Variants in TMEM207 observed in about 807,000 individuals in gnomAD.
TMEM207 encodes transmembrane protein 207.
A neutral mutation model predicts 17.4 loss-of-function variants in TMEM207; 15 were observed. The observed-to-expected ratio is 0.86, with a 90% CI of 0.58 to 1.33. TMEM207 has a LOEUF of 1.33. Among genes scored for constraint, TMEM207 ranks in the 40% most tolerant of loss-of-function variants. TMEM207 has a pLI of 0.00. For missense variants in TMEM207, 205 were observed against 173.8 expected (o/e 1.18, Z -1.01); for synonymous variants, 70 against 65.6 (o/e 1.07, Z -0.33).
At chr3:190,447,912 G>T in intron 1 of TMEM207, 85 bp from the exon 2 acceptor site, 1 of 1,281,870 alleles carries the variant, frequency 7.8e-7, no homozygotes, top group Non-Finnish European at 1.1e-6. Context: ...GACAATGTGG[G>T]TTTATATCAT....
At chr3:190,442,820 T>C (rs1387806351) in intron 2 of TMEM207, among the ~76,000 whole-genome samples, 1 of 152,222 alleles carries the variant, frequency 6.6e-6, no homozygotes, top group Non-Finnish European at 1.5e-5. Context: ...AACATGTTTA[T>C]AAATAAGTCT....
At chr3:190,436,696 C>G (rs113617474) in intron 4 of TMEM207, among the ~76,000 whole-genome samples, 2,774 of 152,222 alleles carry the variant, frequency 0.018, 41 homozygotes, top group Middle Eastern at 0.031. Flanking sequence ...TCATGAAGAT[C>G]CAGTGAGGAA....
rs559790336 is a variant in TMEM207, at chr3:190,443,879, A to C, written c.114-2397T>G. On this transcript the variant is annotated intron_variant, in intron 2 of 4. Transcript: ENST00000354905. ...CATCGGGGGGAAGTGAGAGCTGACTATAATGCGTAAGAAAGACATTTGGAA... is the reference window on the plus strand; with the variant it reads ...CATCGGGGGGAAGTGAGAGCTGACTCTAATGCGTAAGAAAGACATTTGGAA... 2.0e-4 allele frequency among the ~76,000 whole-genome samples: 31 copies of C among 152,324 alleles called. No individual in the cohort carries two copies. The South Asian group carries it at 6.2e-3, about 31-fold the overall frequency.
rs140427699 is a variant in TMEM207, at chr3:190,435,495, A to T, written c.304+4749T>A. Among the ~76,000 whole-genome samples the T allele has an allele frequency of 1.1e-4, 17 of 152,260 alleles. No individual in the cohort carries two copies. In the East Asian group the frequency reaches 3.3e-3, roughly 29 times the overall value. ...ATTTGAACACATGAAATTGGGTGGG[A>T]CACAGTTCAACCCACAACAGGGGGC... is the stretch of plus-strand genomic sequence containing the variant. On this transcript the variant is annotated intron_variant, in intron 4 of 4. Coordinates refer to ENST00000354905, the MANE Select transcript of TMEM207 (RefSeq NM_207316.3).
intron 2 of TMEM207, among the ~76,000 whole-genome samples, chr3:190,445,009 C>G (rs1720013954): frequency 6.6e-6 from 1 of 152,104 alleles, no homozygotes; most frequent in East Asian, 1.9e-4. Context: ...CTATGCATAT[C>G]TCAGGTATTT....
chr3:190,440,229 G>T lies in TMEM207; in HGVS notation c.304+15C>A, dbSNP rs374013258. 1.2e-6 allele frequency: 2 copies of T among 1,609,124 alleles called. No homozygotes were observed. Among genetic ancestry groups the T allele is most frequent in the East Asian group, 2.2e-5 (1 of 44,828 alleles). On this transcript the variant is annotated intron_variant, in intron 4 of 4. Transcript: ENST00000354905. ...AAGTATCAAAAAAGAGTCCAGAAGC[G>T]TGCAGACAACTCACCATAAATAGAG... is the stretch of plus-strand genomic sequence containing the variant.
chr3:190,443,665 CATT>C (rs1719984511), intron 2 of TMEM207, among the ~76,000 whole-genome samples: 2 of 152,154 alleles, frequency 1.3e-5, no homozygotes, highest in Non-Finnish European at 2.9e-5. Flanking sequence ...CTCCTCGAAT[CATT>C]ATTTCCATTT....
At chr3:190,438,153 G>A (rs539458133) in intron 4 of TMEM207, among the ~76,000 whole-genome samples, 19 of 151,294 alleles carry the variant, frequency 1.3e-4, no homozygotes, top group African/African-American at 4.1e-4. Flanking sequence ...GCAAAATGGC[G>A]AGTTAATGGG....
At position 190,428,725 on chromosome 3, in the gene TMEM207, G is replaced by T. The variant is rs994076834; in HGVS notation, c.*870C>A. On this transcript the variant is annotated 3_prime_UTR_variant, in exon 5 of 5. Transcript: ENST00000354905. ...CAGCTGAAGATCATATGTCATCTGTGATGGATGTTTTTGTCTGTCCCCCTG... is the reference window on the plus strand; with the variant it reads ...CAGCTGAAGATCATATGTCATCTGTTATGGATGTTTTTGTCTGTCCCCCTG... 10 of 152,286 alleles carry T rather than the reference G, an allele frequency of 6.6e-5. No homozygotes were observed. The highest frequency in any genetic ancestry group is 2.4e-4 in the African/African-American group (10 of 41,560). 9.4% of individuals were successfully genotyped at this position (152,286 alleles called of 1,614,324 possible).
chr3:190,438,288 G>A (rs1314647050), intron 4 of TMEM207, among the ~76,000 whole-genome samples: 2 of 148,770 alleles, frequency 1.3e-5, no homozygotes, highest in Admixed American at 6.7e-5. Context: ...AAGGTTGTTT[G>A]GTTTTTTTTT....
At chr3:190,441,372 A>C in intron 3 of TMEM207, 66 bp downstream of exon 3, 1 of 1,307,126 alleles carries the variant, frequency 7.7e-7, no homozygotes, top group Non-Finnish European at 1.1e-6. Flanking sequence ...ACCATCTCAA[A>C]TTATTTAGGA....
intron 4 of TMEM207, among the ~76,000 whole-genome samples, chr3:190,434,195 A>G (rs539264060): frequency 1.6e-3 from 242 of 152,174 alleles, no homozygotes; most frequent in African/African-American, 5.6e-3. Context: ...TTCTGAAGGC[A>G]TTATTAAATT....
intron 2 of TMEM207, 91 bp downstream of exon 2, chr3:190,447,699 A>G (rs777036333): frequency 6.3e-5 from 83 of 1,308,410 alleles, no homozygotes; most frequent in Non-Finnish European, 8.5e-5. Context: ...TTGAAACTCA[A>G]CTGGGCTTTT....
rs190267819 is a variant in TMEM207 at position 190,440,255 on chromosome 3, T to A, written c.293A>T (p.Asp98Val). The A allele has an allele frequency of 1.9e-6, 3 of 1,610,216 alleles. No individual in the cohort carries two copies. The highest frequency in any genetic ancestry group is 2.2e-5 in the East Asian group (1 of 44,672). ...TMAVFAVGDL[D>V]SIYGTEAAVS... ...TGCAGACAACTCACCATAAATAGAGTCCAAGTCTCCAACAGCAAAAACTGC... is the reference window on the plus strand; with the variant it reads ...TGCAGACAACTCACCATAAATAGAGACCAAGTCTCCAACAGCAAAAACTGC... Residue 98 changes from aspartate to valine, a missense_variant, in exon 4 of 5, where the codon GAC (aspartate) becomes GTC (valine). Physicochemically the swap from Asp to Val is radical, Grantham distance 152. Coordinates refer to ENST00000354905, the MANE Select transcript of TMEM207 (RefSeq NM_207316.3).
At chr3:190,438,761 A>C (rs563221155) in intron 4 of TMEM207, among the ~76,000 whole-genome samples, 2 of 152,206 alleles carry the variant, frequency 1.3e-5, no homozygotes, top group Non-Finnish European at 2.9e-5. Flanking sequence ...GTCCAATGTT[A>C]GCATGTTGAC....
chr3:190,436,358 C>G (rs917433937), intron 4 of TMEM207, among the ~76,000 whole-genome samples: 1 of 152,176 alleles, frequency 6.6e-6, no homozygotes, highest in African/African-American at 2.4e-5. Flanking sequence ...AGTCCAGAAA[C>G]CTTATTTTGT....
Position 190,429,582 on chromosome 3 carries a change from T to C in TMEM207, c.*13A>G. ...TGTCGTTAATACTTTAAATTGATAATCCACACCTAAAATCAGGTTGTTTTT... is the reference window on the plus strand; with the variant it reads ...TGTCGTTAATACTTTAAATTGATAACCCACACCTAAAATCAGGTTGTTTTT... On this transcript the variant is annotated 3_prime_UTR_variant, in exon 5 of 5. Coordinates refer to ENST00000354905, the MANE Select transcript of TMEM207 (RefSeq NM_207316.3). 1 of 1,613,044 alleles carries C rather than the reference T, an allele frequency of 6.2e-7. No homozygotes were observed. The highest frequency in any genetic ancestry group is 8.5e-7 in the Non-Finnish European group (1 of 1,179,402).
rs1863232 is a variant in TMEM207 at position 190,436,972 on chromosome 3, C to T, written c.304+3272G>A. Among the ~76,000 whole-genome samples the T allele has an allele frequency of 8.5e-5, 13 of 152,214 alleles. No homozygotes were observed. In the South Asian group the frequency reaches 1.7e-3, roughly 19 times the overall value. ...GCATTCCTGGGACAAGATGGAACAT[C>T]GGCAGTGGGTGGAACAACCTAACAA... On this transcript the variant is annotated intron_variant, in intron 4 of 4. Coordinates refer to ENST00000354905, the MANE Select transcript of TMEM207 (RefSeq NM_207316.3).
At chr3:190,439,109 G>A (rs1184368766) in intron 4 of TMEM207, among the ~76,000 whole-genome samples, 3 of 150,282 alleles carry the variant, frequency 2.0e-5, no homozygotes, top group Non-Finnish European at 2.9e-5. Context: ...CCCGGGAGGG[G>A]GAGCTTGCAG....
Sources: gnomAD v4.1 joint callset for allele counts (sites outside exome capture counted in the v4.1 genomes callset) on GRCh38, gnomAD v4.1.1 for gene constraint, MANE v1.5 for transcripts, NCBI Gene and HGNC (gene_info 2026-07-23, HGNC 2026-07-21) for gene names.